Variants in PNO1 observed in about 807,000 individuals in gnomAD.
The protein encoded by PNO1 is RNA-binding protein PNO1.
PNO1 carries 16 observed loss-of-function variants against 28.4 expected under a neutral mutation model. That is an observed-to-expected ratio of 0.56 (90% CI 0.38 to 0.85). The LOEUF (loss-of-function observed/expected upper bound fraction) is 0.85. Among genes scored for constraint, PNO1 ranks in the 40% least tolerant of loss-of-function variants. The pLI is 0.00. For synonymous variants in PNO1, 115 were observed against 110.8 expected, an observed-to-expected ratio of 1.04 and a Z score of -0.24; for missense variants, 304 against 312.2, an observed-to-expected ratio of 0.97 and a Z score of 0.20.
intron 6 of PNO1, among the ~76,000 whole-genome samples, 159 bp downstream of exon 6, chr2:68,173,576 ATTTTTTTTTT>A (rs34874863): frequency 1.8e-5 from 2 of 111,402 alleles, no homozygotes; most frequent in Non-Finnish European, 3.4e-5. Flanking sequence ...AGGAAGTAGA[ATTTTTTTTTT>A]TTTTTTTTTT....
rs181614025 is a variant in PNO1, at chr2:68,173,873, G to A, written c.691+456G>A. Among the ~76,000 whole-genome samples, 5 of 152,222 alleles carry A rather than the reference G, an allele frequency of 3.3e-5. No individual in the cohort carries two copies. In the East Asian group the frequency reaches 5.8e-4, roughly 18 times the overall value. On this transcript the variant is annotated intron_variant, in intron 6 of 6. Coordinates refer to ENST00000263657, the MANE Select transcript of PNO1 (RefSeq NM_020143.4). ...TGGGATTACAGGCGTGAGCCACCAC[G>A]CCCAGCCAGAAGTAGAAATACTTTT...
chr2:68,163,081 G>A (rs968362360), intron 5 of PNO1, among the ~76,000 whole-genome samples: 8 of 152,204 alleles, frequency 5.3e-5, no homozygotes, highest in East Asian at 1.9e-4. Flanking sequence ...AGTTCGAACC[G>A]TGTTAAGTTG....
intron 1 of PNO1, 102 bp downstream of exon 1, chr2:68,158,243 C>G (rs1020808014): frequency 3.6e-6 from 5 of 1,386,412 alleles, no homozygotes; most frequent in Non-Finnish European, 4.0e-6. Flanking sequence ...GCTGTTCTGC[C>G]GTGATGCTCA....
intron 2 of PNO1, chr2:68,161,214 G>A: frequency 2.1e-6 from 1 of 471,198 alleles, no homozygotes. Flanking sequence ...TCCCCAATCA[G>A]TGCATGCAGG....
chr2:68,162,188 C>T lies in PNO1; in HGVS notation c.442-77C>T. ...GCTCTAGAGTTTGTGGATTTTAGTT[C>T]CATAGTGCTTTGCACTTTACTCTTT... On this transcript the variant is annotated intron_variant, in intron 3 of 6. Transcript: ENST00000263657. 2.8e-6 allele frequency: 3 copies of T among 1,071,028 alleles called. No individual in the cohort carries two copies. In the Middle Eastern group the frequency reaches 6.3e-4, roughly 223 times the overall value. The allele number at this position is 1,071,028 out of a possible 1,614,324, so 66.3% of individuals were successfully genotyped here.
At chr2:68,163,540 AATACATACATAC>A (rs543846420) in intron 5 of PNO1, among the ~76,000 whole-genome samples, 248 of 136,166 alleles carry the variant, frequency 1.8e-3, no homozygotes, top group South Asian at 2.5e-3. Flanking sequence ...CAAATAAATA[AATACATACATAC>A]ATACATACAT....
intron 5 of PNO1, among the ~76,000 whole-genome samples, chr2:68,167,388 T>TC (rs1674021534): frequency 6.6e-6 from 1 of 152,184 alleles, no homozygotes; most frequent in Non-Finnish European, 1.5e-5. Context: ...GGAAAAAGCA[T>TC]CAATGGAATC....
At chr2:68,168,021 C>A (rs1053128098) in intron 5 of PNO1, among the ~76,000 whole-genome samples, 1 of 152,128 alleles carries the variant, frequency 6.6e-6, no homozygotes, top group African/African-American at 2.4e-5. Flanking sequence ...GGAGAGGAAA[C>A]TTTATTTCTT....
Position 68,161,722 on chromosome 2 carries a change from G to A in PNO1, c.397G>A (p.Ala133Thr). ...ETKDVSALTK[A>T]ADFVKAFILG... The stretch of plus-strand genomic sequence containing the variant: ...CAAGGATGTTAGTGCTCTGACAAAA[G>A]CAGCTGATTTTGTGAAAGCTTTTAT... Residue 133 changes from alanine to threonine, a missense_variant, in exon 3 of 7, where the codon GCA becomes ACA. Ala to Thr is a moderately conservative substitution (Grantham distance 58). Coordinates refer to ENST00000263657, the MANE Select transcript of PNO1 (RefSeq NM_020143.4). The A allele has an allele frequency of 6.2e-7, 1 of 1,613,126 alleles. No homozygotes were observed. Among genetic ancestry groups the A allele is most frequent in the Non-Finnish European group, 8.5e-7 (1 of 1,179,276 alleles).
At chr2:68,164,441 C>T (rs1310455239) in intron 5 of PNO1, among the ~76,000 whole-genome samples, 2 of 152,078 alleles carry the variant, frequency 1.3e-5, no homozygotes, top group Non-Finnish European at 2.9e-5. Context: ...CAGGGAACCA[C>T]GATCGTGCCA....
chr2:68,165,785 G>A (rs1673980820), intron 5 of PNO1, among the ~76,000 whole-genome samples: 1 of 151,848 alleles, frequency 6.6e-6, no homozygotes, highest in South Asian at 2.1e-4. Context: ...ATATTTGTAA[G>A]TGTTAACCTA....
chr2:68,165,417 A>T (rs1673965960), intron 5 of PNO1, among the ~76,000 whole-genome samples: 1 of 147,914 alleles, frequency 6.8e-6, no homozygotes, highest in South Asian at 2.1e-4. Flanking sequence ...GTGGTGGCAC[A>T]TGCCTGTTAT....
intron 5 of PNO1, among the ~76,000 whole-genome samples, chr2:68,169,168 G>C (rs550287027): frequency 6.6e-6 from 1 of 152,024 alleles, no homozygotes; most frequent in Admixed American, 6.5e-5. Flanking sequence ...TGACCTCGCA[G>C]TCCACCCGCC....
At chr2:68,163,056 A>C (rs544472561) in intron 5 of PNO1, among the ~76,000 whole-genome samples, 16 of 152,346 alleles carry the variant, frequency 1.1e-4, no homozygotes, top group African/African-American at 3.8e-4. Flanking sequence ...CACCCTTGTA[A>C]AGTTGAAAAA....
In PNO1 at chr2:68,174,930, C is replaced by A; in HGVS notation, c.*128C>A. ...CCTCCGTCCCTTCTTCCATTCTCAG[C>A]CAGAAGCATAAACAGAAAAGAAAGA... On this transcript the variant is annotated 3_prime_UTR_variant, in exon 7 of 7. Coordinates refer to ENST00000263657, the MANE Select transcript of PNO1 (RefSeq NM_020143.4). The A allele has an allele frequency of 7.3e-6, 4 of 549,276 alleles. No homozygotes were observed. Among genetic ancestry groups the A allele is most frequent in the East Asian group, 2.8e-5 (1 of 35,724 alleles). The allele number at this position is 549,276 out of a possible 1,614,324, so 34.0% of individuals were successfully genotyped here. A position where few individuals can be genotyped will look rare whatever the true frequency, so the allele number is the denominator to read the frequency against.
rs1026626001 is a variant in PNO1, at chr2:68,173,421, A to G, written c.691+4A>G. On this transcript the variant is annotated splice_donor_region_variant and intron_variant, in intron 6 of 6. Coordinates refer to ENST00000263657, the MANE Select transcript of PNO1 (RefSeq NM_020143.4). ...GCCATTTGCAACCTAATCTTGGGTA[A>G]TAGCAGTTTCTTTCTTTGGTGTTTT... 1.9e-6 allele frequency: 3 copies of G among 1,567,168 alleles called. No individual in the cohort carries two copies. Among genetic ancestry groups the G allele is most frequent in the Admixed American group, 3.3e-5 (2 of 59,912 alleles).
chr2:68,161,854 G>A (rs1387101483), intron 3 of PNO1, 88 bp downstream of exon 3: 4 of 851,124 alleles, frequency 4.7e-6, no homozygotes, highest in Non-Finnish European at 7.6e-6. Context: ...AAAAAAAAAG[G>A]CCAGGCACAG....
intron 5 of PNO1, among the ~76,000 whole-genome samples, chr2:68,172,505 G>A (rs998942340): frequency 1.3e-5 from 2 of 152,098 alleles, no homozygotes; most frequent in African/African-American, 4.8e-5. Context: ...TTTGGAAGAT[G>A]GACTCAAAAA....
At position 68,158,065 on chromosome 2, in the gene PNO1, C is replaced by T. The variant is rs866581468; in HGVS notation, c.131C>T (p.Ala44Val). ...QLSAAGEGGD[A>V]GRMDTEEARP... Reference sequence around the variant, plus strand: ...TCCGCAGCAGGAGAGGGCGGGGATGCGGGCCGCATGGACACAGAGGAGGCC... The same window carrying T: ...TCCGCAGCAGGAGAGGGCGGGGATGTGGGCCGCATGGACACAGAGGAGGCC... Residue 44 changes from alanine to valine, a missense_variant, in exon 1 of 7, where the codon GCG becomes GTG. Ala to Val is a moderately conservative substitution (Grantham distance 64, BLOSUM62 0). Transcript: ENST00000263657. The T allele has an allele frequency of 1.9e-6, 3 of 1,613,664 alleles. No individual in the cohort carries two copies. Among genetic ancestry groups the T allele is most frequent in the African/African-American group, 1.3e-5 (1 of 75,072 alleles).
Sources: allele counts gnomAD v4.1 joint callset (sites outside exome capture counted in the v4.1 genomes callset), GRCh38; gene constraint gnomAD v4.1.1; transcripts MANE v1.5; gene names NCBI Gene and HGNC (gene_info 2026-07-23, HGNC 2026-07-21).